The following VAV1 variants were observed in gnomAD, a reference collection of about 807,000 sequenced individuals.
VAV1 encodes the protein proto-oncogene vav.
Under a neutral mutation model 128.1 loss-of-function variants are expected in VAV1, and 33 were observed. The observed-to-expected ratio is 0.26, with a 90% confidence interval of 0.20 to 0.34. VAV1 has a LOEUF of 0.34. VAV1 is among the 10% of genes least tolerant of loss of function. The probability of loss-of-function intolerance (pLI) is 1.00; values close to 1 mark genes in which losing one functional copy is unlikely to be tolerated. For missense variants in VAV1, 715 were observed against 1,093.7 expected, an observed-to-expected ratio of 0.65 and a Z score of 4.88; for synonymous variants, 394 against 409.8, an observed-to-expected ratio of 0.96 and a Z score of 0.47.
At chr19:6,855,267 TGAG>T (rs1467301939) in intron 26 of VAV1, among the ~76,000 whole-genome samples, 22 of 152,334 alleles carry the variant, frequency 1.4e-4, no homozygotes, top group African/African-American at 5.3e-4. Context: ...ATTGCATCGA[TGAG>T]GAGTTTTGTT....
intron 1 of VAV1, among the ~76,000 whole-genome samples, chr19:6,802,686 G>A (rs1308136805): frequency 6.6e-6 from 1 of 152,164 alleles, no homozygotes; most frequent in Non-Finnish European, 1.5e-5. Flanking sequence ...CACTCTCTAA[G>A]AGGCACCAGG....
intron 1 of VAV1, chr19:6,784,148 G>C (rs767418706): frequency 3.7e-6 from 2 of 541,504 alleles, no homozygotes; most frequent in South Asian, 2.6e-5. Context: ...CAGCTACTCA[G>C]GAAGTTGAGG....
At chr19:6,850,565 G>T (rs1483261879) in intron 23 of VAV1, 105 bp from the exon 24 acceptor site, 1 of 1,051,718 alleles carries the variant, frequency 9.5e-7, no homozygotes, top group Non-Finnish European at 1.4e-6. Flanking sequence ...GTTTCCAGTA[G>T]TTACTCCTCC....
At chr19:6,779,261 AG>A (rs764282670) in intron 1 of VAV1, among the ~76,000 whole-genome samples, 2 of 150,614 alleles carry the variant, frequency 1.3e-5, no homozygotes, top group Non-Finnish European at 3.0e-5. Flanking sequence ...TATGATGCCC[AG>A]GCTGGTCTTG....
chr19:6,778,785 G>A (rs768617299), intron 1 of VAV1, among the ~76,000 whole-genome samples: 1 of 151,940 alleles, frequency 6.6e-6, no homozygotes, highest in African/African-American at 2.4e-5. Context: ...GCTCGTGCCT[G>A]TAATCCCAGC....
At chr19:6,830,522 C>T (rs1972030250) in intron 14 of VAV1, among the ~76,000 whole-genome samples, 1 of 151,896 alleles carries the variant, frequency 6.6e-6, no homozygotes, top group African/African-American at 2.4e-5. Flanking sequence ...TCACTGCAAC[C>T]TCTGGCTCCC....
Position 6,829,922 on chromosome 19 carries a change from G to A in VAV1, c.1398+4G>A. The A allele has an allele frequency of 1.2e-6, 2 of 1,614,092 alleles. No homozygotes were observed. The highest frequency in any genetic ancestry group is 1.3e-5 in the African/African-American group (1 of 75,046). On this transcript the variant is annotated splice_donor_region_variant and intron_variant, in intron 14 of 26. Coordinates refer to ENST00000602142, the MANE Select transcript of VAV1 (RefSeq NM_005428.4). ...AGGAGACCGAGACAACAAGAAGGTGGGGCTTTGACGCCGGAACTATGGGGT... is the reference window on the plus strand; with the variant it reads ...AGGAGACCGAGACAACAAGAAGGTGAGGCTTTGACGCCGGAACTATGGGGT...
chr19:6,810,522 G>C (rs1971492041), intron 1 of VAV1, among the ~76,000 whole-genome samples: 1 of 151,836 alleles, frequency 6.6e-6, no homozygotes, highest in African/African-American at 2.4e-5. Flanking sequence ...TGGCCTACAT[G>C]GTGAAACCCT....
intron 1 of VAV1, among the ~76,000 whole-genome samples, chr19:6,780,008 G>A (rs691713): frequency 0.25 from 36,150 of 147,298 alleles, 5,911 homozygotes; most frequent in African/African-American, 0.38. Flanking sequence ...CTACTCGGGA[G>A]GCTGAAGCAG....
intron 21 of VAV1, among the ~76,000 whole-genome samples, chr19:6,840,994 T>C (rs1045949320): frequency 1.3e-5 from 2 of 151,930 alleles, no homozygotes; most frequent in Admixed American, 6.6e-5. Flanking sequence ...GCCAGGCTGG[T>C]CTCGAACTCC....
intron 1 of VAV1, among the ~76,000 whole-genome samples, chr19:6,814,317 A>C (rs1178193509): frequency 6.6e-6 from 1 of 152,176 alleles, no homozygotes; most frequent in Non-Finnish European, 1.5e-5. Flanking sequence ...TTATCAAAAC[A>C]GAACATTTCC....
At chr19:6,817,727 C>T (rs1255430153) in intron 1 of VAV1, among the ~76,000 whole-genome samples, 1 of 151,478 alleles carries the variant, frequency 6.6e-6, no homozygotes, top group African/African-American at 2.4e-5. Context: ...CGCTCTGTTG[C>T]CCAGGCTGGA....
chr19:6,812,377 G>A (rs755970682), intron 1 of VAV1, among the ~76,000 whole-genome samples: 10 of 152,094 alleles, frequency 6.6e-5, no homozygotes, highest in Non-Finnish European at 1.0e-4. Flanking sequence ...AAAATTGACC[G>A]GGTGCAGTGG....
At chr19:6,800,792 T>TTTTTTTTGTGTGTG (rs1555699757) in intron 1 of VAV1, among the ~76,000 whole-genome samples, 1 of 147,612 alleles carries the variant, frequency 6.8e-6, no homozygotes, top group African/African-American at 2.5e-5. Flanking sequence ...TGGCAAATTT[T>TTTTTTTTGTGTGTG]TGTGTGTGTG....
chr19:6,806,976 G>A (rs1205142772), intron 1 of VAV1, among the ~76,000 whole-genome samples: 2 of 152,176 alleles, frequency 1.3e-5, no homozygotes, highest in African/African-American at 2.4e-5. Context: ...TGTTCAGACA[G>A]GTACAACCTG....
intron 1 of VAV1, among the ~76,000 whole-genome samples, chr19:6,797,901 G>A (rs1428909566): frequency 6.6e-6 from 1 of 151,744 alleles, no homozygotes; most frequent in African/African-American, 2.4e-5. Flanking sequence ...TAGTTTTAGG[G>A]GAAAGACACA....
chr19:6,843,224 C>T, intron 22 of VAV1, 58 bp downstream of exon 22: 1 of 1,600,096 alleles, frequency 6.2e-7, no homozygotes, highest in Admixed American at 1.7e-5. Flanking sequence ...GGGTTCCAGG[C>T]TGGGTATGGG....
At chr19:6,800,802 G>GTA (rs1408947791) in intron 1 of VAV1, among the ~76,000 whole-genome samples, 1 of 149,164 alleles carries the variant, frequency 6.7e-6, no homozygotes, top group Admixed American at 6.8e-5. Flanking sequence ...TTGTGTGTGT[G>GTA]TGTGTGTGCA....
At chr19:6,833,021 C>T (rs868617607) in intron 15 of VAV1, among the ~76,000 whole-genome samples, 163 bp from the exon 16 acceptor site, 3 of 152,138 alleles carry the variant, frequency 2.0e-5, no homozygotes. Flanking sequence ...TGCATGGCAG[C>T]ACGATTCAGT....
Sources: gnomAD v4.1 joint callset for allele counts (sites outside exome capture counted in the v4.1 genomes callset) on GRCh38, gnomAD v4.1.1 for gene constraint, MANE v1.5 for transcripts, NCBI Gene and HGNC (gene_info 2026-07-23, HGNC 2026-07-21) for gene names.